ZNF532: variants seen among roughly 807,000 people sequenced by gnomAD.
ZNF532 encodes zinc finger protein 532.
A neutral mutation model predicts 89.3 loss-of-function variants in ZNF532; 22 were observed. The ratio of observed to expected loss-of-function variants is 0.25; its 90% CI spans 0.18 to 0.35. The LOEUF (loss-of-function observed/expected upper bound fraction) is 0.35. ZNF532 is among the 10% of genes least tolerant of loss of function. ZNF532 has a pLI of 1.00. For missense variants in ZNF532, 1,132 were observed against 1,643.4 expected, an observed-to-expected ratio of 0.69 and a Z score of 5.38; for synonymous variants, 606 against 649.6, an observed-to-expected ratio of 0.93 and a Z score of 1.02.
intron 2 of ZNF532, among the ~76,000 whole-genome samples, chr18:58,899,778 T>G (rs902962470): frequency 3.1e-4 from 47 of 152,350 alleles, no homozygotes; most frequent in Non-Finnish European, 6.3e-4. Context: ...GAAACACTCT[T>G]TTTAGTCAGA....
At chr18:58,983,466 C>T (rs2068068411) in intron 9 of ZNF532, among the ~76,000 whole-genome samples, 1 of 152,162 alleles carries the variant, frequency 6.6e-6, no homozygotes, top group Non-Finnish European at 1.5e-5. Flanking sequence ...GGCCTGTTCC[C>T]ACCTTGGGCC....
At position 58,886,694 on chromosome 18, in the gene ZNF532, TG is replaced by T; in HGVS notation, c.-18+21116del. Among the ~76,000 whole-genome samples the T allele has an allele frequency of 2.0e-5, 3 of 152,354 alleles. No individual in the cohort carries two copies. The South Asian group carries it at 6.2e-4, about 32-fold the overall frequency. On this transcript the variant is annotated intron_variant, in intron 2 of 9. Coordinates refer to ENST00000591808, the MANE Select transcript of ZNF532 (RefSeq NM_001375912.1). ...AGTGCTTTGCTATGTTACAAATAAC[TG>T]TGCACCAAACGTTTTTGTACATGTG...
intron 2 of ZNF532, among the ~76,000 whole-genome samples, chr18:58,873,205 A>G (rs12455927): frequency 0.23 from 34,208 of 151,822 alleles, 4,445 homozygotes; most frequent in Middle Eastern, 0.41. Context: ...TATTTTTTGT[A>G]GAGAAGGGAT....
chr18:58,934,718 C>T, intron 4 of ZNF532, 104 bp downstream of exon 4: 1 of 1,107,054 alleles, frequency 9.0e-7, no homozygotes, highest in Non-Finnish European at 1.3e-6. Flanking sequence ...TACGGTGATA[C>T]CTCGATTAAC....
At chr18:58,963,673 C>T (rs2065602856) in intron 7 of ZNF532, among the ~76,000 whole-genome samples, 1 of 150,566 alleles carries the variant, frequency 6.6e-6, no homozygotes, top group South Asian at 2.1e-4. Context: ...AAAGTGCCCA[C>T]TTGGCCGGGT....
In ZNF532 at chr18:58,924,863, A is replaced by G. The variant is rs142024388; in HGVS notation, c.2346+4230A>G. Among the ~76,000 whole-genome samples, 598 of 152,324 alleles carry G rather than the reference A, an allele frequency of 3.9e-3. 1 individual carries two copies. The highest frequency in any genetic ancestry group is 0.013 in the African/African-American group (549 of 41,562). On this transcript the variant is annotated intron_variant, in intron 3 of 9. Transcript: ENST00000591808. ...AATTTTTTCATTTCAGGAATGTTAC[A>G]TAGATGGAATCATATAGTGTATAAC...
chr18:58,886,228 G>A (rs1180472059), intron 2 of ZNF532, among the ~76,000 whole-genome samples: 1 of 152,112 alleles, frequency 6.6e-6, no homozygotes, highest in African/African-American at 2.4e-5. Context: ...TGATCCTCCT[G>A]CCTTGGCCTC....
At chr18:58,891,199 A>G (rs569415682) in intron 2 of ZNF532, among the ~76,000 whole-genome samples, 19 of 152,072 alleles carry the variant, frequency 1.2e-4, no homozygotes, top group South Asian at 6.3e-4. Context: ...GATCACAGGC[A>G]TGAGCCACTG....
chr18:58,869,105 C>T (rs183687101), intron 2 of ZNF532, among the ~76,000 whole-genome samples: 266 of 152,256 alleles, frequency 1.7e-3, no homozygotes, highest in Non-Finnish European at 2.7e-3. Context: ...ACTGTGTGTA[C>T]GTGGGCCATT....
chr18:58,867,019 A>C (rs779750712), intron 2 of ZNF532, among the ~76,000 whole-genome samples: 2 of 152,272 alleles, frequency 1.3e-5, no homozygotes, highest in Non-Finnish European at 2.9e-5. Context: ...CTTGCAAAGC[A>C]GATCCGAATC....
At chr18:58,869,054 A>C (rs7229136) in intron 2 of ZNF532, among the ~76,000 whole-genome samples, 14,884 of 152,206 alleles carry the variant, frequency 0.098, 1,552 homozygotes, top group African/African-American at 0.26. Context: ...TAAACACATA[A>C]AAGGTACGGG....
intron 7 of ZNF532, among the ~76,000 whole-genome samples, chr18:58,974,880 T>C (rs1463041958): frequency 6.6e-6 from 1 of 152,226 alleles, no homozygotes; most frequent in Non-Finnish European, 1.5e-5. Context: ...TCTTAACCAT[T>C]TGACGTAGTT....
chr18:58,980,532 C>G (rs924351695), intron 8 of ZNF532: 1 of 152,186 alleles, frequency 6.6e-6, no homozygotes, highest in African/African-American at 2.4e-5. Flanking sequence ...TGAATTCCTC[C>G]GAAGCTATTT....
Position 58,913,129 on chromosome 18 carries a change from G to T in ZNF532, c.-17-5142G>T, listed in dbSNP as rs2060383495. 2.6e-5 allele frequency among the ~76,000 whole-genome samples: 4 copies of T among 151,960 alleles called. No individual in the cohort carries two copies. In the South Asian group the frequency reaches 6.2e-4, roughly 24 times the overall value. On this transcript the variant is annotated intron_variant, in intron 2 of 9. Transcript: ENST00000591808. The stretch of plus-strand genomic sequence containing the variant: ...GATCAGTTGGAAGAGAAGAGAGAAG[G>T]TTTTTTTTCTTTTCTTTGGTGGAAG...
At position 58,870,072 on chromosome 18, in the gene ZNF532, G is replaced by GT. The variant is rs764095848; in HGVS notation, c.-18+4515dup. Among the ~76,000 whole-genome samples, 698 of 112,728 alleles carry GT rather than the reference G, an allele frequency of 6.2e-3. 3 individuals carry two copies. The highest frequency in any genetic ancestry group is 0.01 in the Middle Eastern group (2 of 198). 74.0% of individuals were successfully genotyped at this position (112,728 alleles called of 152,430 possible). A position where few individuals can be genotyped will look rare whatever the true frequency, so the allele number is the denominator to read the frequency against. On this transcript the variant is annotated intron_variant, in intron 2 of 9. Transcript: ENST00000591808. ...TGAGCCACTGTGCCCAGCCCAGGTT[G>GT]TTTTTTTTTTTTTTTTTTTTTTAAG...
chr18:58,963,473 G>T (rs191885609), intron 7 of ZNF532, among the ~76,000 whole-genome samples: 512 of 152,262 alleles, frequency 3.4e-3, no homozygotes, highest in Non-Finnish European at 4.9e-3. Flanking sequence ...CAGGTGTGCT[G>T]TTGTTACTTT....
At chr18:58,930,627 CAA>C (rs59983153) in intron 3 of ZNF532, among the ~76,000 whole-genome samples, 98 of 81,182 alleles carry the variant, frequency 1.2e-3, no homozygotes, top group Middle Eastern at 6.7e-3. Context: ...GACTCCATCT[CAA>C]AAAAAAAAAA....
chr18:58,980,731 C>CTCCT (rs2067665605), intron 8 of ZNF532: 3 of 152,258 alleles, frequency 2.0e-5, no homozygotes, highest in African/African-American at 7.2e-5. Context: ...TACCCTCCAC[C>CTCCT]TCCTGGGTTC....
rs114616831 is a variant in ZNF532, at chr18:58,871,549, G to T, written c.-18+5970G>T. Among the ~76,000 whole-genome samples the T allele has an allele frequency of 3.7e-3, 564 of 152,314 alleles. 8 individuals carry two copies. The highest frequency in any genetic ancestry group is 0.013 in the African/African-American group (541 of 41,584). On this transcript the variant is annotated intron_variant, in intron 2 of 9. Coordinates refer to ENST00000591808, the MANE Select transcript of ZNF532 (RefSeq NM_001375912.1). ...CCTTCTCACTGTGCTGTTCTGCCTT[G>T]GGGGAGCACAGTTGGTGGACTGAGG... is the stretch of plus-strand genomic sequence containing the variant.
Sources: gnomAD v4.1 joint callset for allele counts (sites outside exome capture counted in the v4.1 genomes callset) on GRCh38, gnomAD v4.1.1 for gene constraint, MANE v1.5 for transcripts, NCBI Gene and HGNC (gene_info 2026-07-23, HGNC 2026-07-21) for gene names.